Variants in CLCN7 observed in about 807,000 individuals in gnomAD.
The protein encoded by CLCN7 is Cl-/H+ antiporter 7, also known as H(+)/Cl(-) exchange transporter 7.
A neutral mutation model predicts 102.1 loss-of-function variants in CLCN7; 60 were observed. The observed-to-expected ratio is 0.59, with a 90% CI of 0.48 to 0.73. The LOEUF is 0.73. Ranked by LOEUF, CLCN7 falls within the 30% of genes least tolerant of loss-of-function variation. The pLI is 0.00. For synonymous variants in CLCN7, 560 were observed against 490.5 expected (o/e 1.14, Z -1.87); for missense variants, 962 against 1,125.7 (o/e 0.85, Z 2.08).
Position 1,457,835 on chromosome 16 carries a change from C to A in CLCN7, c.676-79G>T. The A allele has an allele frequency of 1.4e-6, 2 of 1,390,740 alleles. No individual in the cohort carries two copies. The highest frequency in any genetic ancestry group is 2.3e-5 in the East Asian group (1 of 43,358). The allele number at this position is 1,390,740 out of a possible 1,614,324, so 86.1% of individuals were successfully genotyped here. On this transcript the variant is annotated intron_variant, in intron 7 of 24. Coordinates refer to ENST00000382745, the MANE Select transcript of CLCN7 (RefSeq NM_001287.6). The surrounding 1 kb of genome is among the most constrained non-coding windows in gnomAD (Gnocchi z 5.4). Reference sequence around the variant, plus strand: ...GACCTGAGCCGTAAAACAGCACACACAGCCCCGATCAGGCAGAGTGGCTGG... The same window carrying A: ...GACCTGAGCCGTAAAACAGCACACAAAGCCCCGATCAGGCAGAGTGGCTGG...
At position 1,454,470 on chromosome 16, in the gene CLCN7, G is replaced by A; in HGVS notation, c.1099-5C>T. On this transcript the variant is annotated splice_region_variant and splice_polypyrimidine_tract_variant and intron_variant, in intron 12 of 24. Transcript: ENST00000382745. ...GTGGATCGTGTAGGCCATTTTCTGTGCAGAGAGAGGGAGAAGGCAGAGGAT... is the reference window on the plus strand; with the variant it reads ...GTGGATCGTGTAGGCCATTTTCTGTACAGAGAGAGGGAGAAGGCAGAGGAT... The A allele has an allele frequency of 6.2e-7, 1 of 1,613,412 alleles. No individual in the cohort carries two copies. The highest frequency in any genetic ancestry group is 8.5e-7 in the Non-Finnish European group (1 of 1,179,756).
chr16:1,473,068 C>CCTTA (rs10635066), intron 1 of CLCN7, among the ~76,000 whole-genome samples: 43,302 of 151,440 alleles, frequency 0.29, 8,421 homozygotes, highest in African/African-American at 0.56. Context: ...CCACACCTGG[C>CCTTA]CTTTCTTTTA....
At chr16:1,450,233 C>T in intron 17 of CLCN7, 1 of 536,324 alleles carries the variant, frequency 1.9e-6, no homozygotes, top group South Asian at 2.0e-5. Flanking sequence ...TCATCACATT[C>T]TCAAGAATAA....
intron 17 of CLCN7, 173 bp downstream of exon 17, chr16:1,450,324 A>T: frequency 1.5e-6 from 1 of 688,666 alleles, no homozygotes; most frequent in Non-Finnish European, 2.5e-6. Flanking sequence ...CGCTGCCACC[A>T]CAGCAGGACA....
chr16:1,452,743 C>A lies in CLCN7; in HGVS notation c.1353+12G>T, dbSNP rs764683335. ...CCTGCCTGCTGGACCCCGCCCGGGC[C>A]CAGCCTCCCACCTGCAGCGGGTAGG... On this transcript the variant is annotated intron_variant, in intron 15 of 24. Transcript: ENST00000382745. The A allele has an allele frequency of 1.9e-6, 3 of 1,584,366 alleles. No homozygotes were observed. The highest frequency in any genetic ancestry group is 2.3e-5 in the South Asian group (2 of 87,514).
At chr16:1,456,362 C>A (rs1791110650) in intron 9 of CLCN7, among the ~76,000 whole-genome samples, 156 bp from the exon 10 acceptor site, 1 of 152,180 alleles carries the variant, frequency 6.6e-6, no homozygotes, top group African/African-American at 2.4e-5. Context: ...GTGCTGCAGA[C>A]CACGGCAAGA....
At chr16:1,472,573 A>C (rs2982428) in intron 1 of CLCN7, 23,287 of 152,028 alleles carry the variant, frequency 0.15, 1,824 homozygotes, top group Non-Finnish European at 0.16. Flanking sequence ...ATTATTTCCC[A>C]AAAAATCAAC....
At chr16:1,460,790 T>G (rs2038922876) in intron 5 of CLCN7, 26 bp downstream of exon 5, 5 of 1,613,630 alleles carry the variant, frequency 3.1e-6, no homozygotes, top group African/African-American at 1.3e-5. Flanking sequence ...CCTCCCAAGC[T>G]GCAGCGGCCG....
chr16:1,473,842 G>A (rs892324908), intron 1 of CLCN7, among the ~76,000 whole-genome samples: 86 of 152,080 alleles, frequency 5.7e-4, no homozygotes, highest in Admixed American at 3.4e-3. Context: ...CCAGCACTTT[G>A]GGAGGCTGAG....
At chr16:1,469,299 C>T (rs184181550) in intron 1 of CLCN7, among the ~76,000 whole-genome samples, 1 of 152,188 alleles carries the variant, frequency 6.6e-6, no homozygotes, top group African/African-American at 2.4e-5. Context: ...TCAAAGAAAA[C>T]AACAGAGCAA....
intron 14 of CLCN7, among the ~76,000 whole-genome samples, chr16:1,453,164 C>A (rs1193879587): frequency 6.6e-6 from 1 of 152,130 alleles, no homozygotes; most frequent in Non-Finnish European, 1.5e-5. Flanking sequence ...CCCGGCTCTA[C>A]ATCTGGCTAA....
chr16:1,465,645 A>C (rs1002100264), intron 1 of CLCN7, among the ~76,000 whole-genome samples: 1 of 152,196 alleles, frequency 6.6e-6, no homozygotes, highest in Non-Finnish European at 1.5e-5. Context: ...GAAGGGCTGG[A>C]CAACACGCCG....
chr16:1,469,157 G>C (rs933075502), intron 1 of CLCN7, among the ~76,000 whole-genome samples: 1 of 151,950 alleles, frequency 6.6e-6, no homozygotes, highest in Non-Finnish European at 1.5e-5. Context: ...AGTGAGCCGA[G>C]ATCCTGCCAC....
chr16:1,474,152 C>A lies in CLCN7; in HGVS notation c.141+682G>T, dbSNP rs1422768629. 8.8e-6 allele frequency: 4 copies of A among 455,966 alleles called. No individual in the cohort carries two copies. The East Asian group carries it at 2.8e-4, about 32-fold the overall frequency. 28.2% of individuals were successfully genotyped at this position (455,966 alleles called of 1,614,324 possible). A position where few individuals can be genotyped will look rare whatever the true frequency, so the allele number is the denominator to read the frequency against. ...AATGTACCCGCAACGGTTCTCCAGA[C>A]CTTAACACTGCTCAGACGCACGCTG... is the stretch of plus-strand genomic sequence containing the variant. On this transcript the variant is annotated intron_variant, in intron 1 of 24. Transcript: ENST00000382745.
Position 1,461,732 on chromosome 16 carries a change from C to G in CLCN7, c.214-58G>C, listed in dbSNP as rs370214096. 3.6e-6 allele frequency: 5 copies of G among 1,404,764 alleles called. No homozygotes were observed. In the African/African-American group the frequency reaches 7.0e-5, roughly 20 times the overall value. 87.0% of individuals were successfully genotyped at this position (1,404,764 alleles called of 1,614,324 possible). On this transcript the variant is annotated intron_variant, in intron 2 of 24. Coordinates refer to ENST00000382745, the MANE Select transcript of CLCN7 (RefSeq NM_001287.6). ...GTTGACAAGGCCACAAGGAGAGAGG[C>G]CCCTCTCAGCTCACACACGAGGCCA...
intron 5 of CLCN7, 65 bp from the exon 6 acceptor site, chr16:1,460,592 T>C: frequency 7.2e-7 from 1 of 1,393,904 alleles, no homozygotes; most frequent in South Asian, 1.2e-5. Flanking sequence ...ACCTCAGCCC[T>C]GCCCCACAGA....
At chr16:1,450,336 C>T (rs933849263) in intron 17 of CLCN7, 161 bp downstream of exon 17, 30 of 734,998 alleles carry the variant, frequency 4.1e-5, no homozygotes, top group African/African-American at 8.7e-5. Context: ...AGCAGGACAA[C>T]GCCCACGGCC....
Position 1,447,482 on chromosome 16 carries a change from G to T in CLCN7, c.2160C>A (p.Pro720=). Residue 720 remains proline (P), a synonymous_variant, in exon 23 of 25, where the codon CCC becomes CCA. Transcript: ENST00000382745. ...CCTGGGACACGTGGATGGACTGGAT[G>T]GGTGGGAAGCGCGGGTAGGCGTCTC... The part of the protein sequence containing the change: ...DFRDAYPRFP[P]IQSIHVSQDE... 6.4e-7 allele frequency: 1 copy of T among 1,553,438 alleles called. No individual in the cohort carries two copies. Among genetic ancestry groups the T allele is most frequent in the Non-Finnish European group, 8.7e-7 (1 of 1,148,666 alleles).
At chr16:1,449,515 G>GAAA in intron 17 of CLCN7, 188 bp from the exon 18 acceptor site, 1 of 625,220 alleles carries the variant, frequency 1.6e-6, no homozygotes, top group Non-Finnish European at 2.9e-6. Context: ...TCCTTGGCCT[G>GAAA]AACCAGGCGC....
Sources: allele counts gnomAD v4.1 joint callset (sites outside exome capture counted in the v4.1 genomes callset), GRCh38; gene constraint gnomAD v4.1.1; non-coding constraint Gnocchi (gnomAD v3.1); transcripts MANE v1.5; gene names NCBI Gene and HGNC (gene_info 2026-07-23, HGNC 2026-07-21).